The following NFATC1 variants were observed in gnomAD, a reference collection of about 807,000 sequenced individuals.
NFATC1 encodes nuclear factor of activated T cells 1, also known as nuclear factor of activated T-cells, cytoplasmic 1.
In NFATC1, 22 loss-of-function variants were observed where a neutral mutation model predicts 76.0. The observed-to-expected ratio is 0.29, with a 90% CI of 0.21 to 0.41. NFATC1 has a LOEUF of 0.41. NFATC1 is among the 10% of genes least tolerant of loss of function. The pLI is 1.00. For missense variants in NFATC1, 1,357 were observed against 1,337.7 expected (o/e 1.01, Z -0.23); for synonymous variants, 704 against 613.1 (o/e 1.15, Z -2.19).
intron 2 of NFATC1, among the ~76,000 whole-genome samples, chr18:79,419,585 C>G (rs2086001420): frequency 6.6e-6 from 1 of 152,188 alleles, no homozygotes; most frequent in African/African-American, 2.4e-5. Flanking sequence ...GCCTGGTTAG[C>G]TCAGATGCCC....
intron 7 of NFATC1, among the ~76,000 whole-genome samples, chr18:79,464,876 T>G (rs1318900503): frequency 6.6e-6 from 1 of 151,198 alleles, no homozygotes; most frequent in Admixed American, 6.6e-5. Flanking sequence ...CAGCTAATTT[T>G]TAAATTTTTG....
intron 8 of NFATC1, chr18:79,469,014 G>C (rs923414242): frequency 1.4e-5 from 2 of 145,384 alleles, no homozygotes; most frequent in East Asian, 3.9e-4. Flanking sequence ...GGACCCCCGG[G>C]ATTGTGGGGA....
intron 2 of NFATC1, 76 bp downstream of exon 2, chr18:79,411,577 GGGGGCGGCGC>G (rs1050235585): frequency 2.7e-6 from 3 of 1,129,004 alleles, no homozygotes; most frequent in African/African-American, 3.3e-5. Context: ...GAGCGGGACG[GGGGGCGGCGC>G]GGGGCGGCCG....
intron 8 of NFATC1, among the ~76,000 whole-genome samples, 170 bp from the exon 9 acceptor site, chr18:79,486,078 G>A (rs1255071197): frequency 6.6e-6 from 1 of 150,818 alleles, no homozygotes; most frequent in African/African-American, 2.5e-5. Flanking sequence ...CTACTCTCTC[G>A]GCCGATGACT....
intron 3 of NFATC1, 37 bp from the exon 4 acceptor site, chr18:79,448,745 C>T: frequency 5.0e-6 from 8 of 1,598,542 alleles, no homozygotes; most frequent in Non-Finnish European, 6.0e-6. Context: ...GGTCTGTGCT[C>T]TGGGTGCTGA....
intron 8 of NFATC1, chr18:79,470,684 T>G (rs979368765): frequency 6.6e-6 from 1 of 152,160 alleles, no homozygotes; most frequent in Non-Finnish European, 1.5e-5. Flanking sequence ...GCCAAAGGCA[T>G]CCTCCGATGA....
intron 8 of NFATC1, chr18:79,468,074 G>GAGATGAA: frequency 1.2e-6 from 1 of 850,360 alleles, no homozygotes; most frequent in Non-Finnish European, 1.4e-6. Context: ...ACTTCTCCAG[G>GAGATGAA]GGTAACTTCA....
At chr18:79,470,180 T>C (rs559369490) in intron 8 of NFATC1, 56 of 195,140 alleles carry the variant, frequency 2.9e-4, no homozygotes, top group African/African-American at 1.2e-3. Context: ...GTCCGAGAGA[T>C]AGTTGCCAGC....
chr18:79,402,457 C>G (rs1263501834), intron 1 of NFATC1: 1 of 939,654 alleles, frequency 1.1e-6, no homozygotes, highest in Non-Finnish European at 1.3e-6. Flanking sequence ...TGAGTGAAGC[C>G]GTGAACCTCA....
At chr18:79,400,338 G>A (rs2085152941) in intron 1 of NFATC1, 1 of 1,376,590 alleles carries the variant, frequency 7.3e-7, no homozygotes. Context: ...CGGGAGAACC[G>A]AACCCCTGGC....
intron 2 of NFATC1, among the ~76,000 whole-genome samples, chr18:79,428,992 G>A (rs1167604383): frequency 5.9e-5 from 9 of 152,166 alleles, no homozygotes; most frequent in Non-Finnish European, 1.3e-4. Flanking sequence ...AGGCTGAAGC[G>A]GGCGGATCAC....
At chr18:79,504,148 T>G (rs2090073610) in intron 9 of NFATC1, among the ~76,000 whole-genome samples, 1 of 151,784 alleles carries the variant, frequency 6.6e-6, no homozygotes, top group Non-Finnish European at 1.5e-5. Flanking sequence ...GCAGCGGTTT[T>G]CACTTCTGTC....
intron 7 of NFATC1, 23 bp downstream of exon 7, chr18:79,461,389 G>A: frequency 6.2e-7 from 1 of 1,613,920 alleles, no homozygotes. Flanking sequence ...GGCGCAGCTG[G>A]AGCTACTGTG....
At chr18:79,445,134 T>G (rs1291904559) in intron 3 of NFATC1, among the ~76,000 whole-genome samples, 1 of 152,200 alleles carries the variant, frequency 6.6e-6, no homozygotes, top group Non-Finnish European at 1.5e-5. Context: ...TTGTTTCGAT[T>G]TTTCCTGGTA....
Position 79,411,363 on chromosome 18 carries a change from C to T in NFATC1, c.1088C>T (p.Pro363Leu), listed in dbSNP as rs372110997. 2.8e-5 allele frequency: 44 copies of T among 1,588,308 alleles called. No homozygotes were observed. The African/African-American group carries it at 2.8e-4, about 10-fold the overall frequency. Residue 363 changes from proline to leucine, a missense_variant, in exon 2 of 10, where the codon CCG becomes CTG. This residue lies in a region of NFATC1 where 691 missense variants were observed against 613.1 expected (regional missense o/e 1.13). Coordinates refer to ENST00000427363, the MANE Select transcript of NFATC1 (RefSeq NM_001278669.2). ...VGEDLGSPPP[P>L]ADFAPEDYSS... ...GAGGACCTGGGCAGCCCCCCGCCCC[C>T]GGCCGACTTCGCGCCCGAAGACTAC... is the stretch of plus-strand genomic sequence containing the variant.
At chr18:79,401,883 C>A (rs1399686578) in intron 1 of NFATC1, among the ~76,000 whole-genome samples, 1 of 152,226 alleles carries the variant, frequency 6.6e-6, no homozygotes, top group East Asian at 1.9e-4. Context: ...CCCTACACCC[C>A]AGTCAGAGGC....
At chr18:79,405,926 C>T (rs945085982) in intron 1 of NFATC1, among the ~76,000 whole-genome samples, 1 of 152,204 alleles carries the variant, frequency 6.6e-6, no homozygotes, top group Non-Finnish European at 1.5e-5. Flanking sequence ...CCTCACTTCC[C>T]CTCACGCCTG....
At chr18:79,437,119 G>A (rs1049503160) in intron 3 of NFATC1, among the ~76,000 whole-genome samples, 2 of 152,246 alleles carry the variant, frequency 1.3e-5, no homozygotes, top group Non-Finnish European at 2.9e-5. Flanking sequence ...CCTGGTGGAC[G>A]TGGTCCCTGC....
Position 79,520,198 on chromosome 18 carries a change from G to A in NFATC1, c.2783-7330G>A, listed in dbSNP as rs568485258. Among the ~76,000 whole-genome samples, 9 of 140,176 alleles carry A rather than the reference G, an allele frequency of 6.4e-5. 2 individuals are homozygous for A. The highest frequency in any genetic ancestry group is 2.0e-4 in the African/African-American group (8 of 39,848). 92.0% of individuals were successfully genotyped at this position (140,176 alleles called of 152,430 possible). ...AAGCCCCTCCGGGCCCCTCACGGGAGGGGATCCCCCGCTGCGCTGCCGGGA... is the reference window on the plus strand; with the variant it reads ...AAGCCCCTCCGGGCCCCTCACGGGAAGGGATCCCCCGCTGCGCTGCCGGGA... On this transcript the variant is annotated intron_variant, in intron 9 of 9. Coordinates refer to ENST00000427363, the MANE Select transcript of NFATC1 (RefSeq NM_001278669.2).
Sources: gnomAD v4.1 joint callset for allele counts (sites outside exome capture counted in the v4.1 genomes callset) on GRCh38, gnomAD v4.1.1 for gene constraint, gnomAD v4.1.1 regional missense constraint, MANE v1.5 for transcripts, NCBI Gene and HGNC (gene_info 2026-07-23, HGNC 2026-07-21) for gene names.